The following SAMD12 variants were observed in gnomAD, a reference collection of about 807,000 sequenced individuals.
The protein encoded by SAMD12 is sterile alpha motif domain-containing protein 12.
In SAMD12, 9 loss-of-function variants were observed where a neutral mutation model predicts 15.0. The observed-to-expected ratio is 0.60, with a 90% CI of 0.36 to 1.05. The LOEUF (loss-of-function observed/expected upper bound fraction) is 1.05, where lower values mean the gene tolerates loss of function less well. Among genes scored for constraint, SAMD12 ranks in the 50% least tolerant of loss-of-function variants. SAMD12 has a pLI of 0.01. For synonymous variants in SAMD12, 86 were observed against 90.1 expected, an observed-to-expected ratio of 0.96 and a Z score of 0.25; for missense variants, 230 against 234.2, an observed-to-expected ratio of 0.98 and a Z score of 0.12.
chr8:118,592,269 C>T (rs769748275), intron 1 of SAMD12, among the ~76,000 whole-genome samples: 10 of 151,342 alleles, frequency 6.6e-5, no homozygotes, highest in South Asian at 2.1e-4. Flanking sequence ...TGTGGTGAGC[C>T]GAGATGCCAA....
At chr8:118,534,398 G>A (rs1825780014) in intron 2 of SAMD12, among the ~76,000 whole-genome samples, 1 of 151,996 alleles carries the variant, frequency 6.6e-6, no homozygotes, top group Admixed American at 6.6e-5. Flanking sequence ...TTTCAACTTT[G>A]GTGAATCTGA....
At chr8:118,315,505 C>G (rs1279058487) in intron 4 of SAMD12, among the ~76,000 whole-genome samples, 3 of 151,992 alleles carry the variant, frequency 2.0e-5, no homozygotes, top group Non-Finnish European at 2.9e-5. Flanking sequence ...TTTCTCTGAG[C>G]CAAGAGAGAG....
At chr8:118,551,619 A>G (rs1051699540) in intron 2 of SAMD12, among the ~76,000 whole-genome samples, 1 of 151,954 alleles carries the variant, frequency 6.6e-6, no homozygotes, top group African/African-American at 2.4e-5. Context: ...TAAAAGAACT[A>G]GAAAAGCAAG....
chr8:118,388,743 T>A (rs1337186771), intron 3 of SAMD12, among the ~76,000 whole-genome samples: 1 of 152,180 alleles, frequency 6.6e-6, no homozygotes, highest in East Asian at 1.9e-4. Context: ...AAAGTTCTCT[T>A]TCTATCTTCA....
At chr8:118,438,955 C>A (rs1822655308) in intron 3 of SAMD12, among the ~76,000 whole-genome samples, 1 of 152,092 alleles carries the variant, frequency 6.6e-6, no homozygotes, top group Non-Finnish European at 1.5e-5. Flanking sequence ...ACTGTTTGTG[C>A]AGGGAAAAGG....
chr8:118,216,609 C>A (rs909901317), intron 4 of SAMD12, among the ~76,000 whole-genome samples: 12 of 152,098 alleles, frequency 7.9e-5, no homozygotes, highest in Admixed American at 2.0e-4. Context: ...GTAGCCAAGA[C>A]CTACAGATAA....
At chr8:118,489,837 T>C (rs1643893642) in intron 2 of SAMD12, among the ~76,000 whole-genome samples, 1 of 152,214 alleles carries the variant, frequency 6.6e-6, no homozygotes, top group African/African-American at 2.4e-5. Flanking sequence ...TGAAGTAGCA[T>C]GATTTAATTG....
At chr8:118,217,309 C>T (rs1301993303) in intron 4 of SAMD12, among the ~76,000 whole-genome samples, 1 of 152,158 alleles carries the variant, frequency 6.6e-6, no homozygotes, top group African/African-American at 2.4e-5. Flanking sequence ...GGCCTGGTCT[C>T]TAACTTTCTA....
intron 2 of SAMD12, among the ~76,000 whole-genome samples, chr8:118,528,561 A>G (rs1825597269): frequency 6.6e-6 from 1 of 152,210 alleles, no homozygotes; most frequent in South Asian, 2.1e-4. Flanking sequence ...TGATACATGT[A>G]TATTTTTTCT....
intron 2 of SAMD12, among the ~76,000 whole-genome samples, chr8:118,556,063 C>G (rs1035898572): frequency 6.6e-6 from 1 of 152,116 alleles, no homozygotes; most frequent in African/African-American, 2.4e-5. Context: ...TGGAGAATGC[C>G]AGGGCAAAAT....
intron 2 of SAMD12, among the ~76,000 whole-genome samples, chr8:118,548,332 T>C (rs1586807468): frequency 2.0e-5 from 3 of 151,484 alleles, no homozygotes; most frequent in African/African-American, 7.3e-5. Context: ...CTTTCCAAAT[T>C]TCCTAATAAC....
At chr8:118,504,002 C>T (rs908078854) in intron 2 of SAMD12, among the ~76,000 whole-genome samples, 1 of 152,096 alleles carries the variant, frequency 6.6e-6, no homozygotes, top group African/African-American at 2.4e-5. Context: ...AGATTAACCG[C>T]CCCCTAGTAA....
chr8:118,422,852 T>G lies in SAMD12; in HGVS notation c.322+16980A>C, dbSNP rs1329228256. Among the ~76,000 whole-genome samples, 6 of 152,174 alleles carry G rather than the reference T, an allele frequency of 3.9e-5. No homozygotes were observed. The East Asian group carries it at 1.2e-3, about 29-fold the overall frequency. On this transcript the variant is annotated intron_variant, in intron 3 of 3. Transcript: ENST00000314727. ...AATGCAAAAGTGGAGGGAGACATTC[T>G]GAAGACCCAGAGGAGAAACAGATGA...
intron 4 of SAMD12, among the ~76,000 whole-genome samples, chr8:118,257,779 G>A (rs549748560): frequency 2.0e-5 from 3 of 152,032 alleles, no homozygotes; most frequent in Admixed American, 6.6e-5. Flanking sequence ...TCACCAATAG[G>A]GACTGTCAAG....
At chr8:118,147,833 T>C in the SAMD12 span, among the ~76,000 whole-genome samples, 2 of 152,212 alleles carry the variant, frequency 1.3e-5, no homozygotes, top group East Asian at 3.9e-4. Context: ...CACTGTAACC[T>C]CAAACTCCTA....
At chr8:118,579,497 T>A (rs892832625) in intron 2 of SAMD12, among the ~76,000 whole-genome samples, 1 of 152,166 alleles carries the variant, frequency 6.6e-6, no homozygotes, top group Non-Finnish European at 1.5e-5. Context: ...TCATTCCCCA[T>A]TCCCTACCAC....
intron 4 of SAMD12, among the ~76,000 whole-genome samples, chr8:118,261,898 T>TC (rs1190643481): frequency 6.6e-6 from 1 of 151,674 alleles, no homozygotes; most frequent in East Asian, 1.9e-4. Flanking sequence ...TTTTTTTTTT[T>TC]CTCCAATAGT....
rs539110116 is a variant in SAMD12, at chr8:118,593,148, CAT to C, written c.14-12257_14-12256del. On this transcript the variant is annotated intron_variant, in intron 1 of 3. Transcript: ENST00000314727. ...TATGCATGTGTATATGTGCATATAA[CAT>C]ATATATATTTTTTGTAATCAAAAAT... 1.9e-4 allele frequency among the ~76,000 whole-genome samples: 29 copies of C among 152,168 alleles called. No individual in the cohort carries two copies. The South Asian group carries it at 4.8e-3, about 25-fold the overall frequency.
chr8:118,559,518 C>G (rs1017525219), intron 2 of SAMD12, among the ~76,000 whole-genome samples: 1 of 152,186 alleles, frequency 6.6e-6, no homozygotes, highest in African/African-American at 2.4e-5. Flanking sequence ...TCATCATACA[C>G]TTATTAGGAT....
Sources: gnomAD v4.1 joint callset for allele counts (sites outside exome capture counted in the v4.1 genomes callset) on GRCh38, gnomAD v4.1.1 for gene constraint, MANE v1.5 for transcripts, NCBI Gene and HGNC (gene_info 2026-07-23, HGNC 2026-07-21) for gene names.